The following PPP1R1C variants were observed in gnomAD, a reference collection of about 807,000 sequenced individuals.
PPP1R1C encodes protein phosphatase 1 regulatory inhibitor subunit 1C.
In PPP1R1C, 15 loss-of-function variants were observed where a neutral mutation model predicts 17.4. The ratio of observed to expected loss-of-function variants is 0.86; its 90% CI spans 0.58 to 1.33. The LOEUF is 1.33. PPP1R1C is among the 40% of genes most tolerant of loss of function. PPP1R1C has a pLI of 0.00. For synonymous variants in PPP1R1C, 35 were observed against 43.1 expected, an observed-to-expected ratio of 0.81 and a Z score of 0.73; for missense variants, 143 against 130.0, an observed-to-expected ratio of 1.10 and a Z score of -0.48.
exon 6 of PPP1R1C, chr2:182,129,147 G>A (rs1248890411): frequency 6.6e-6 from 1 of 152,066 alleles, no homozygotes; most frequent in Non-Finnish European, 1.5e-5. Context: ...CATAAGTATT[G>A]ACATGTTTTT....
intron 4 of PPP1R1C, among the ~76,000 whole-genome samples, chr2:182,092,338 T>A (rs536540737): frequency 6.6e-6 from 1 of 151,962 alleles, no homozygotes; most frequent in South Asian, 2.1e-4. Flanking sequence ...GATTCAACCA[T>A]CTCCCACCGG....
At position 181,962,362 on chromosome 2, in the gene PPP1R1C, G is replaced by A. The variant is rs1045335471; in HGVS notation, n.111+7728G>A. 5.6e-5 allele frequency: 52 copies of A among 926,790 alleles called. 1 individual carries two copies. Among genetic ancestry groups the A allele is most frequent in the Non-Finnish European group, 8.7e-5 (51 of 585,858 alleles). 57.4% of individuals were successfully genotyped at this position (926,790 alleles called of 1,614,324 possible). On this transcript the variant is annotated intron_variant and non_coding_transcript_variant, in intron 1 of 5. Transcript: ENST00000464264. This position sits in a 1 kb window ranked among gnomAD's most constrained non-coding sequence, Gnocchi z 6.0. Reference sequence around the variant, plus strand: ...CGGATATCCGGGAACCAGAGCCCCCGGCGCCTGCATAGACGCTGGCCATGC... The same window carrying A: ...CGGATATCCGGGAACCAGAGCCCCCAGCGCCTGCATAGACGCTGGCCATGC...
In PPP1R1C at chr2:182,018,989, C is replaced by T. The variant is rs576320080; in HGVS notation, c.142+31090C>T. On this transcript the variant is annotated intron_variant, in intron 2 of 4. Transcript: ENST00000682840. ...TGGTGAAAATTAAGTTAGTCATTTA[C>T]GAAAGTATAGTGAACATATATATCT... Among the ~76,000 whole-genome samples, 10 of 151,912 alleles carry T rather than the reference C, an allele frequency of 6.6e-5. No homozygotes were observed. The South Asian group carries it at 1.7e-3, about 25-fold the overall frequency.
At chr2:181,979,888 A>G (rs1685163625) in intron 2 of PPP1R1C, among the ~76,000 whole-genome samples, 1 of 152,098 alleles carries the variant, frequency 6.6e-6, no homozygotes, top group African/African-American at 2.4e-5. Flanking sequence ...GTTTTTGTGT[A>G]TTTTTAAACA....
chr2:182,079,263 T>G (rs901606185), intron 4 of PPP1R1C, among the ~76,000 whole-genome samples: 2 of 152,196 alleles, frequency 1.3e-5, no homozygotes, highest in Admixed American at 1.3e-4. Flanking sequence ...ATGTGTTTAT[T>G]TTAGTATATT....
At chr2:182,078,854 A>G (rs1465102135) in intron 4 of PPP1R1C, among the ~76,000 whole-genome samples, 1 of 152,256 alleles carries the variant, frequency 6.6e-6, no homozygotes, top group Non-Finnish European at 1.5e-5. Flanking sequence ...TACTCCTGAG[A>G]AATCTGGGTT....
intron 4 of PPP1R1C, among the ~76,000 whole-genome samples, chr2:182,091,525 G>T (rs1448908138): frequency 2.0e-5 from 3 of 151,998 alleles, no homozygotes; most frequent in African/African-American, 7.2e-5. Flanking sequence ...AGAGGAATGT[G>T]CAGGGTTAAA....
At chr2:182,121,496 A>AT (rs1368045358), downstream of PPP1R1C, among the ~76,000 whole-genome samples, 1 of 151,662 alleles carries the variant, frequency 6.6e-6, no homozygotes, top group African/African-American at 2.4e-5. Flanking sequence ...TTATTTATTT[A>AT]TTTATTTTTT....
intron 4 of PPP1R1C, among the ~76,000 whole-genome samples, chr2:182,078,415 A>G (rs893399050): frequency 6.6e-6 from 1 of 152,142 alleles, no homozygotes; most frequent in Non-Finnish European, 1.5e-5. Context: ...GAGCTTCATG[A>G]GTCTATCAGC....
rs1247611251 is a variant in PPP1R1C, at chr2:181,967,184, TTC to T, written n.112-8030_112-8029del. Among the ~76,000 whole-genome samples, 1 of 152,150 alleles carries T rather than the reference TTC, an allele frequency of 6.6e-6. No homozygotes were observed. Among genetic ancestry groups the T allele is most frequent in the Non-Finnish European group, 1.5e-5 (1 of 68,014 alleles). On this transcript the variant is annotated intron_variant and non_coding_transcript_variant, in intron 1 of 5. Transcript: ENST00000464264. This position sits in a 1 kb window ranked among gnomAD's most constrained non-coding sequence, Gnocchi z 5.5. The stretch of plus-strand genomic sequence containing the variant: ...GTCTCTGATTTTATTTATTTGAGTC[TTC>T]TCTCGTTTTTTGTTAGTAAGTCTGG...
chr2:181,997,737 A>G (rs558494637), intron 2 of PPP1R1C, among the ~76,000 whole-genome samples: 7 of 152,340 alleles, frequency 4.6e-5, no homozygotes, highest in Admixed American at 2.6e-4. Context: ...CAGAAGTATT[A>G]TAATTAGATG....
chr2:182,096,253 T>G (rs1485160665), intron 4 of PPP1R1C, among the ~76,000 whole-genome samples: 3 of 152,160 alleles, frequency 2.0e-5, no homozygotes, highest in Non-Finnish European at 4.4e-5. Flanking sequence ...AGATCCTTTT[T>G]GGCTTCTGGG....
intron 4 of PPP1R1C, among the ~76,000 whole-genome samples, chr2:182,104,276 T>G (rs1372527927): frequency 6.6e-6 from 1 of 152,194 alleles, no homozygotes; most frequent in Non-Finnish European, 1.5e-5. Flanking sequence ...ACTCTTGTCT[T>G]GTTTCTGGTC....
upstream of PPP1R1C, chr2:181,985,830 G>C: frequency 2.1e-6 from 1 of 469,896 alleles, no homozygotes; most frequent in East Asian, 3.5e-5. The surrounding 1 kb of genome is among the most constrained non-coding windows in gnomAD (Gnocchi z 4.1). Context: ...ATGTGTATTA[G>C]TGAAGAGGCA....
At chr2:182,101,780 A>T (rs778108496) in intron 4 of PPP1R1C, among the ~76,000 whole-genome samples, 7 of 152,166 alleles carry the variant, frequency 4.6e-5, no homozygotes, top group Non-Finnish European at 8.8e-5. Context: ...CTAAAAAGTC[A>T]TGCTTCTGTG....
intron 4 of PPP1R1C, among the ~76,000 whole-genome samples, chr2:182,086,545 T>C (rs1688635751): frequency 6.6e-6 from 1 of 152,156 alleles, no homozygotes; most frequent in Admixed American, 6.5e-5. Context: ...GGAAATTGCA[T>C]ACCAGAAAAC....
intron 2 of PPP1R1C, among the ~76,000 whole-genome samples, chr2:181,978,787 C>T (rs1371209450): frequency 6.6e-6 from 1 of 152,078 alleles, no homozygotes; most frequent in Non-Finnish European, 1.5e-5. Flanking sequence ...TAGACTACAA[C>T]TCTTGGTGGG....
chr2:182,002,245 G>A lies in PPP1R1C; in HGVS notation c.142+14346G>A, dbSNP rs189626967. On this transcript the variant is annotated intron_variant, in intron 2 of 4. Coordinates refer to ENST00000682840, the MANE Select transcript of PPP1R1C (RefSeq NM_001080545.3). ...TTTTTCTGTGTAGTAGCTAGAGTTTGCAATTGTCTCATTGTTTTTAGAACT... is the reference window on the plus strand; with the variant it reads ...TTTTTCTGTGTAGTAGCTAGAGTTTACAATTGTCTCATTGTTTTTAGAACT... Among the ~76,000 whole-genome samples the A allele has an allele frequency of 5.9e-5, 9 of 151,796 alleles. No homozygotes were observed. The East Asian group carries it at 1.4e-3, about 23-fold the overall frequency.
chr2:182,063,675 G>T, intron 3 of PPP1R1C, 56 bp from the exon 4 acceptor site: 1 of 1,323,110 alleles, frequency 7.6e-7, no homozygotes, highest in South Asian at 1.2e-5. Flanking sequence ...CAGGTCTGAT[G>T]GCATCGTACT....
Sources: gnomAD v4.1 joint callset for allele counts (sites outside exome capture counted in the v4.1 genomes callset) on GRCh38, gnomAD v4.1.1 for gene constraint, Gnocchi (gnomAD v3.1) non-coding constraint, MANE v1.5 for transcripts, NCBI Gene and HGNC (gene_info 2026-07-23, HGNC 2026-07-21) for gene names.